TTC27: variants seen among roughly 807,000 people sequenced by gnomAD.
TTC27 encodes tetratricopeptide repeat protein 27.
Under a neutral mutation model 115.9 loss-of-function variants are expected in TTC27, and 79 were observed. That is an observed-to-expected ratio of 0.68 (90% CI 0.57 to 0.82). The LOEUF (loss-of-function observed/expected upper bound fraction) is 0.82, where lower values mean the gene tolerates loss of function less well. Ranked by LOEUF, TTC27 falls within the 40% of genes least tolerant of loss-of-function variation. TTC27 has a pLI of 0.00. For missense variants in TTC27, 1,054 were observed against 993.1 expected (o/e 1.06, Z -0.82); for synonymous variants, 401 against 356.0 (o/e 1.13, Z -1.42).
At chr2:32,754,897 C>T (rs1337785864) in intron 12 of TTC27, among the ~76,000 whole-genome samples, 7 of 151,524 alleles carry the variant, frequency 4.6e-5, no homozygotes, top group African/African-American at 1.2e-4. Context: ...ACCTCCCTCC[C>T]GGACGGGGTG....
At chr2:32,711,933 T>A (rs1404216787) in intron 10 of TTC27, among the ~76,000 whole-genome samples, 1 of 151,762 alleles carries the variant, frequency 6.6e-6, no homozygotes, top group Non-Finnish European at 1.5e-5. Context: ...AGTGAGACTC[T>A]GTCTCAAAAA....
In TTC27 at chr2:32,698,549, A is replaced by G. The variant is rs372559317; in HGVS notation, c.1120-4258A>G. Among the ~76,000 whole-genome samples, 822 of 144,352 alleles carry G rather than the reference A, an allele frequency of 5.7e-3. 11 individuals are homozygous for G. The highest frequency in any genetic ancestry group is 0.02 in the African/African-American group (779 of 39,176). The allele number at this position is 144,352 out of a possible 152,430, so 94.7% of individuals were successfully genotyped here. A position where few individuals can be genotyped will look rare whatever the true frequency, so the allele number is the denominator to read the frequency against. On this transcript the variant is annotated intron_variant, in intron 9 of 19. Transcript: ENST00000317907. The stretch of plus-strand genomic sequence containing the variant: ...GCCTGGAGTGCAGTGGCGCGATCTC[A>G]GCTCACTGCAAGCTCCGCCTCCCGG...
chr2:32,741,111 G>C lies in TTC27; in HGVS notation c.1452+4295G>C, dbSNP rs116517842. ...ACTTGTAAGTTCTTGATTTTGTAGC[G>C]CCGTCTCACTTCAGACCTTTGTAAT... On this transcript the variant is annotated intron_variant, in intron 12 of 19. Transcript: ENST00000317907. Among the ~76,000 whole-genome samples the C allele has an allele frequency of 2.6e-3, 398 of 152,290 alleles. 2 individuals carry two copies. The highest frequency in any genetic ancestry group is 8.2e-3 in the African/African-American group (342 of 41,564).
chr2:32,767,453 G>GTTT (rs397754905), intron 13 of TTC27, among the ~76,000 whole-genome samples: 20,779 of 113,894 alleles, frequency 0.18, 3,021 homozygotes, highest in East Asian at 0.29. Context: ...GTTTTTTTTT[G>GTTT]TTTTTTTTTT....
At chr2:32,691,487 C>T (rs1198560383) in intron 9 of TTC27, among the ~76,000 whole-genome samples, 10 of 151,848 alleles carry the variant, frequency 6.6e-5, no homozygotes, top group South Asian at 6.3e-4. Flanking sequence ...TTAGTAGAGA[C>T]GGGGTTTCAT....
At chr2:32,717,799 G>T (rs920971713) in intron 10 of TTC27, among the ~76,000 whole-genome samples, 9 of 152,022 alleles carry the variant, frequency 5.9e-5, no homozygotes, top group Admixed American at 5.2e-4. Flanking sequence ...TGTTCTTCTT[G>T]TTTTGAAATT....
At chr2:32,789,946 AG>A (rs373048356) in intron 16 of TTC27, among the ~76,000 whole-genome samples, 3,236 of 128,268 alleles carry the variant, frequency 0.025, 132 homozygotes, top group Non-Finnish European at 0.031. Context: ...AAAAAAAAAA[AG>A]AGAAGTCTTT....
Position 32,820,896 on chromosome 2 carries a change from A to G in TTC27, c.2490A>G (p.Thr830=). Residue 830 remains threonine, a synonymous_variant, in exon 20 of 20, where the codon ACA becomes ACG. Transcript: ENST00000317907. ...DDITAMDTLV[T]ELQDLSNQFR... ...TAACAGCTATGGACACCTTAGTGAC[A>G]GAGCTCCAAGACCTAAGCAACCAGT... The G allele has an allele frequency of 2.0e-6, 3 of 1,535,752 alleles. No individual in the cohort carries two copies. The South Asian group carries it at 3.7e-5, about 19-fold the overall frequency.
intron 13 of TTC27, among the ~76,000 whole-genome samples, chr2:32,761,803 A>T (rs1027057700): frequency 1.4e-4 from 21 of 152,270 alleles, no homozygotes; most frequent in Non-Finnish European, 2.2e-4. Context: ...TTACTTTTTT[A>T]AAAAAGTTCT....
chr2:32,761,636 T>G (rs1669440732), intron 13 of TTC27, among the ~76,000 whole-genome samples: 1 of 152,132 alleles, frequency 6.6e-6, no homozygotes, highest in Non-Finnish European at 1.5e-5. Flanking sequence ...TTTCTCTGCC[T>G]GGAATGTCCT....
intron 10 of TTC27, among the ~76,000 whole-genome samples, chr2:32,714,168 T>G (rs555794580): frequency 6.8e-6 from 1 of 146,996 alleles, no homozygotes; most frequent in Non-Finnish European, 1.5e-5. Flanking sequence ...CCCGCCTTTT[T>G]TTTTTTTTGA....
At chr2:32,743,545 T>C (rs1019042117) in intron 12 of TTC27, among the ~76,000 whole-genome samples, 1 of 151,966 alleles carries the variant, frequency 6.6e-6, no homozygotes, top group Non-Finnish European at 1.5e-5. Context: ...ATATAGCAGG[T>C]TTTCAATATA....
intron 13 of TTC27, among the ~76,000 whole-genome samples, chr2:32,758,935 T>G: frequency 6.6e-6 from 1 of 152,184 alleles, no homozygotes; most frequent in South Asian, 2.1e-4. Context: ...GCATATAGAA[T>G]GGATTCTTGA....
intron 4 of TTC27, among the ~76,000 whole-genome samples, chr2:32,646,954 A>G (rs974170587): frequency 1.3e-5 from 2 of 149,172 alleles, no homozygotes; most frequent in African/African-American, 4.9e-5. Context: ...TCAGCATATT[A>G]TATGTTTTTT....
chr2:32,719,646 G>C (rs1667860477), intron 10 of TTC27, among the ~76,000 whole-genome samples: 1 of 152,178 alleles, frequency 6.6e-6, no homozygotes. Flanking sequence ...GTGAGATTAT[G>C]ATTGCAAGAA....
intron 3 of TTC27, among the ~76,000 whole-genome samples, chr2:32,634,468 T>C (rs1015546985): frequency 1.3e-5 from 2 of 151,204 alleles, no homozygotes; most frequent in African/African-American, 2.4e-5. Flanking sequence ...GCTAATTTTT[T>C]TGTAGAGATG....
Position 32,793,445 on chromosome 2 carries a change from C to T in TTC27, c.1998+6296C>T, listed in dbSNP as rs150867767. Among the ~76,000 whole-genome samples the T allele has an allele frequency of 3.6e-4, 55 of 152,168 alleles. No homozygotes were observed. In the East Asian group the frequency reaches 7.5e-3, roughly 21 times the overall value. ...GAAAGGACACTAGACAATAACTCAA[C>T]GCTGGATAAAGAAATAAAAATCTCA... is the stretch of plus-strand genomic sequence containing the variant. On this transcript the variant is annotated intron_variant, in intron 16 of 19. Transcript: ENST00000317907.
intron 8 of TTC27, among the ~76,000 whole-genome samples, chr2:32,673,858 G>A (rs1343638687): frequency 6.6e-6 from 1 of 151,970 alleles, no homozygotes; most frequent in Non-Finnish European, 1.5e-5. Flanking sequence ...AGCTGGGTGT[G>A]GTGGCAGGCG....
At chr2:32,652,173 A>G (rs780352982) in intron 5 of TTC27, among the ~76,000 whole-genome samples, 47 of 152,116 alleles carry the variant, frequency 3.1e-4, no homozygotes, top group Non-Finnish European at 3.8e-4. Context: ...GGAGTTCGAG[A>G]CCAGTCTGGC....
Sources: allele counts gnomAD v4.1 joint callset (sites outside exome capture counted in the v4.1 genomes callset), GRCh38; gene constraint gnomAD v4.1.1; transcripts MANE v1.5; gene names NCBI Gene and HGNC (gene_info 2026-07-23, HGNC 2026-07-21).